SLC48A1: variants seen among roughly 807,000 people sequenced by gnomAD.
SLC48A1 encodes the protein heme transporter HRG1.
A neutral mutation model predicts 14.8 loss-of-function variants in SLC48A1; 6 were observed. That is an observed-to-expected ratio of 0.41 (90% CI 0.22 to 0.80). The LOEUF (loss-of-function observed/expected upper bound fraction) is 0.80. Ranked by LOEUF, SLC48A1 falls within the 30% of genes least tolerant of loss-of-function variation. The pLI, the probability that SLC48A1 is intolerant of heterozygous loss-of-function variation, is 0.34. For synonymous variants in SLC48A1, 89 were observed against 90.0 expected (o/e 0.99, Z 0.06); for missense variants, 165 against 204.8 (o/e 0.81, Z 1.19).
upstream of SLC48A1, chr12:47,772,127 C>A (rs7300569): frequency 0.16 from 24,852 of 154,228 alleles, 2,210 homozygotes; most frequent in African/African-American, 0.24. Context: ...AGCACACACA[C>A]AAAAAAAACT....
At chr12:47,754,924 C>T (rs1941963428), upstream of SLC48A1, among the ~76,000 whole-genome samples, 1 of 152,226 alleles carries the variant, frequency 6.6e-6, no homozygotes, top group Non-Finnish European at 1.5e-5. Context: ...GCCCCACCCT[C>T]ACTCCCTGTC....
At chr12:47,765,867 A>G (rs74085206) in intron 2 of SLC48A1, among the ~76,000 whole-genome samples, 157 of 152,236 alleles carry the variant, frequency 1.0e-3, no homozygotes, top group African/African-American at 3.6e-3. Context: ...GGTTTCCTGC[A>G]TTAATAGTAA....
chr12:47,758,059 C>T (rs1164501949), upstream of SLC48A1: 3 of 1,569,492 alleles, frequency 1.9e-6, no homozygotes, highest in Non-Finnish European at 2.6e-6. Flanking sequence ...CTGCCAGCAG[C>T]TCTCACCTGG....
chr12:47,758,076 C>T (rs2136830621), upstream of SLC48A1: 1 of 1,560,820 alleles, frequency 6.4e-7, no homozygotes. Flanking sequence ...CTGGCCAGCC[C>T]ACCTGTGACA....
chr12:47,773,486 G>T, intron 1 of SLC48A1, 46 bp downstream of exon 1: 1 of 1,287,548 alleles, frequency 7.8e-7, no homozygotes, highest in Non-Finnish European at 9.9e-7. Flanking sequence ...GCGGCTGCGG[G>T]GCGGGCGCCG....
chr12:47,761,769 A>G (rs1004335123), intron 2 of SLC48A1, among the ~76,000 whole-genome samples: 2 of 152,174 alleles, frequency 1.3e-5, no homozygotes, highest in South Asian at 4.1e-4. Context: ...AATAATAAGA[A>G]TAGTCAACAT....
chr12:47,760,951 C>T (rs1444920851), intron 2 of SLC48A1, among the ~76,000 whole-genome samples: 1 of 152,110 alleles, frequency 6.6e-6, no homozygotes, highest in Non-Finnish European at 1.5e-5. Context: ...AATCCCAACA[C>T]CTTGGGAGGC....
At position 47,777,182 on chromosome 12, in the gene SLC48A1, A is replaced by C. The variant is rs1942772873; in HGVS notation, c.137-1846A>C. Reference sequence around the variant, plus strand: ...AAATCCAGATCTTGTAGGAGGTAAGAGGAAGCTGCAGGATGATTGTCCTGT... The same window carrying C: ...AAATCCAGATCTTGTAGGAGGTAAGCGGAAGCTGCAGGATGATTGTCCTGT... On this transcript the variant is annotated intron_variant, in intron 1 of 2. Coordinates refer to ENST00000442218, the MANE Select transcript of SLC48A1 (RefSeq NM_017842.3). This position sits in a 1 kb window ranked among gnomAD's most constrained non-coding sequence, Gnocchi z 4.5. Among the ~76,000 whole-genome samples the C allele has an allele frequency of 6.6e-6, 1 of 152,212 alleles. No homozygotes were observed. The highest frequency in any genetic ancestry group is 2.4e-5 in the African/African-American group (1 of 41,462).
At chr12:47,756,264 T>G (rs1347215697), upstream of SLC48A1, 1 of 152,232 alleles carries the variant, frequency 6.6e-6, no homozygotes, top group Non-Finnish European at 1.5e-5. Flanking sequence ...TCCAGTGACC[T>G]ATTGTCCTGG....
Position 47,782,078 on chromosome 12 carries a change from A to G in SLC48A1, c.*1797A>G, listed in dbSNP as rs1372864497. 1.3e-5 allele frequency: 2 copies of G among 152,428 alleles called. No homozygotes were observed. Among genetic ancestry groups the G allele is most frequent in the East Asian group, 3.9e-4 (2 of 5,186 alleles). The allele number at this position is 152,428 out of a possible 1,614,324, so 9.4% of individuals were successfully genotyped here. ...CAGGAGCTTGGGCCAGGTCTAAGGT[A>G]ATGAGGTGCTCCTCTTCCTGCTGGA... On this transcript the variant is annotated 3_prime_UTR_variant, in exon 3 of 3. Coordinates refer to ENST00000442218, the MANE Select transcript of SLC48A1 (RefSeq NM_017842.3).
chr12:47,774,863 G>T (rs1028532159), intron 1 of SLC48A1, among the ~76,000 whole-genome samples: 2 of 152,066 alleles, frequency 1.3e-5, no homozygotes, highest in Non-Finnish European at 2.9e-5. Flanking sequence ...ACTGCACCCC[G>T]CCACCCTCCA....
Position 47,773,319 on chromosome 12 carries a change from G to A in SLC48A1, c.15G>A (p.Arg5=), listed in dbSNP as rs986404790. The A allele has an allele frequency of 1.4e-6, 2 of 1,467,072 alleles. No individual in the cohort carries two copies. The highest frequency in any genetic ancestry group is 2.5e-5 in the Admixed American group (1 of 40,284). The allele number at this position is 1,467,072 out of a possible 1,614,324, so 90.9% of individuals were successfully genotyped here. A position where few individuals can be genotyped will look rare whatever the true frequency, so the allele number is the denominator to read the frequency against. MAPS[R]LQLGLRAAYS... is the part of the protein sequence containing the mutation. ...GCCGCAGCCCCATGGCCCCGTCCAG[G>A]CTGCAGCTCGGCCTCCGCGCCGCCT... is the stretch of plus-strand genomic sequence containing the variant. Residue 5 remains arginine (R), a synonymous_variant, in exon 1 of 3, where the codon AGG becomes AGA. Coordinates refer to ENST00000442218, the MANE Select transcript of SLC48A1 (RefSeq NM_017842.3).
upstream of SLC48A1, chr12:47,768,504 T>A (rs1010065408): frequency 6.6e-6 from 1 of 152,194 alleles, no homozygotes; most frequent in Non-Finnish European, 1.5e-5. Flanking sequence ...GACTCAGAGA[T>A]AACACCTAGG....
At chr12:47,774,565 ACC>A (rs1438854654) in intron 1 of SLC48A1, among the ~76,000 whole-genome samples, 1 of 152,238 alleles carries the variant, frequency 6.6e-6, no homozygotes, top group Non-Finnish European at 1.5e-5. Flanking sequence ...GGCCAAAAGA[ACC>A]CTAAATGGAA....
At chr12:47,759,158 C>G in intron 1 of SLC48A1, 6 of 946,306 alleles carry the variant, frequency 6.3e-6, no homozygotes, top group Non-Finnish European at 7.6e-6. Flanking sequence ...CGGTGAGTGG[C>G]TGCACTGGCC....
At chr12:47,754,993 G>A (rs146896633), upstream of SLC48A1, among the ~76,000 whole-genome samples, 1 of 152,356 alleles carries the variant, frequency 6.6e-6, no homozygotes, top group Non-Finnish European at 1.5e-5. Flanking sequence ...CTGGGGACCT[G>A]TCAGACCAGT....
chr12:47,777,709 A>G lies in SLC48A1; in HGVS notation c.137-1319A>G, dbSNP rs935992259. Among the ~76,000 whole-genome samples the G allele has an allele frequency of 4.6e-5, 7 of 152,366 alleles. No homozygotes were observed. The highest frequency in any genetic ancestry group is 1.7e-4 in the African/African-American group (7 of 41,588). On this transcript the variant is annotated intron_variant, in intron 1 of 2. Transcript: ENST00000442218. This position sits in a 1 kb window ranked among gnomAD's most constrained non-coding sequence, Gnocchi z 4.5. Reference sequence around the variant, plus strand: ...ATATTTTAGGCACACAAAAAAGGATAGATGATTTAACAAACACCCTTATAA... The same window carrying G: ...ATATTTTAGGCACACAAAAAAGGATGGATGATTTAACAAACACCCTTATAA...
upstream of SLC48A1, chr12:47,758,365 C>T (rs1942230104): frequency 1.4e-6 from 2 of 1,474,826 alleles, no homozygotes; most frequent in Non-Finnish European, 1.8e-6. Flanking sequence ...GCAGGGATCT[C>T]CACTACCTCC....
chr12:47,766,591 G>A (rs796331332), upstream of SLC48A1, among the ~76,000 whole-genome samples: 7 of 152,280 alleles, frequency 4.6e-5, no homozygotes, highest in African/African-American at 1.7e-4. Context: ...TAGGGAGGCA[G>A]GCCTGGGCCC....
Sources: allele counts gnomAD v4.1 joint callset (sites outside exome capture counted in the v4.1 genomes callset), GRCh38; gene constraint gnomAD v4.1.1; non-coding constraint Gnocchi (gnomAD v3.1); transcripts MANE v1.5; gene names NCBI Gene and HGNC (gene_info 2026-07-23, HGNC 2026-07-21).